Variants in TAFA4 observed in about 807,000 individuals in gnomAD.
TAFA4 encodes TAFA chemokine like family member 4, also known as chemokine-like protein TAFA-4.
Under a neutral mutation model 21.1 loss-of-function variants are expected in TAFA4, and 20 were observed. The ratio of observed to expected loss-of-function variants is 0.95; its 90% CI spans 0.67 to 1.38. The LOEUF (loss-of-function observed/expected upper bound fraction) is 1.38, where lower values mean the gene tolerates loss of function less well. TAFA4 is among the 40% of genes most tolerant of loss of function. The probability of loss-of-function intolerance (pLI) is 0.00; values close to 1 mark genes in which losing one functional copy is unlikely to be tolerated. For synonymous variants in TAFA4, 71 were observed against 67.4 expected (o/e 1.05, Z -0.26); for missense variants, 211 against 180.9 (o/e 1.17, Z -0.95).
intron 3 of TAFA4, among the ~76,000 whole-genome samples, chr3:68,820,182 C>A (rs190577054): frequency 1.3e-5 from 2 of 152,032 alleles, no homozygotes; most frequent in Non-Finnish European, 2.9e-5. Context: ...GTAAGTCAGG[C>A]GCAAAAAGAC....
chr3:68,785,425 C>A (rs1296116442), intron 3 of TAFA4, among the ~76,000 whole-genome samples: 1 of 152,228 alleles, frequency 6.6e-6, no homozygotes, highest in Non-Finnish European at 1.5e-5. Context: ...GGGGAAGGCT[C>A]AGGCATGGCG....
At chr3:68,908,428 C>T (rs1464426206) in intron 1 of TAFA4, among the ~76,000 whole-genome samples, 1 of 151,996 alleles carries the variant, frequency 6.6e-6, no homozygotes, top group Non-Finnish European at 1.5e-5. Context: ...TTATCAACAA[C>T]TCAGATGGCG....
At chr3:68,875,990 T>G (rs1483239169) in intron 3 of TAFA4, among the ~76,000 whole-genome samples, 1 of 150,770 alleles carries the variant, frequency 6.6e-6, no homozygotes, top group Non-Finnish European at 1.5e-5. Flanking sequence ...TAAAGAGAGA[T>G]AAAACAATGT....
intron 3 of TAFA4, among the ~76,000 whole-genome samples, chr3:68,770,425 T>C (rs1702931585): frequency 6.6e-6 from 1 of 152,196 alleles, no homozygotes; most frequent in Non-Finnish European, 1.5e-5. Context: ...CTGTGAGGAA[T>C]GAGACTGAGG....
chr3:68,833,392 T>G (rs1704446901), intron 3 of TAFA4, among the ~76,000 whole-genome samples: 1 of 152,186 alleles, frequency 6.6e-6, no homozygotes, highest in African/African-American at 2.4e-5. Flanking sequence ...GAATGCAGAT[T>G]CAGTGTACGT....
At chr3:68,893,361 A>T (rs1336009644) in intron 1 of TAFA4, among the ~76,000 whole-genome samples, 3 of 152,152 alleles carry the variant, frequency 2.0e-5, no homozygotes, top group Non-Finnish European at 4.4e-5. Flanking sequence ...TATAACCAGA[A>T]TGTAAAGTTC....
chr3:68,885,326 C>CA lies in TAFA4; in HGVS notation c.-122-17dup, dbSNP rs111761904. On this transcript the variant is annotated splice_polypyrimidine_tract_variant and intron_variant, in intron 1 of 5. Coordinates refer to ENST00000295569, the MANE Select transcript of TAFA4 (RefSeq NM_182522.5). ...CTCAGAAGACCTATGTTAAAAAGGCCAAAAAAAAAAAAGGAATCAATTAGC... is the reference window on the plus strand; with the variant it reads ...CTCAGAAGACCTATGTTAAAAAGGCCAAAAAAAAAAAAAGGAATCAATTAGC... 0.037 allele frequency: 16,748 copies of CA among 453,486 alleles called. 5 individuals carry two copies. Among genetic ancestry groups the CA allele is most frequent in the East Asian group, 0.041 (1,067 of 25,792 alleles). 28.1% of individuals were successfully genotyped at this position (453,486 alleles called of 1,614,324 possible).
chr3:68,841,156 T>C lies in TAFA4; in HGVS notation c.130+39574A>G, dbSNP rs922963989. On this transcript the variant is annotated intron_variant, in intron 3 of 5. Coordinates refer to ENST00000295569, the MANE Select transcript of TAFA4 (RefSeq NM_182522.5). The stretch of plus-strand genomic sequence containing the variant: ...GGCTAAAACGGTGAAACCCCGTCTC[T>C]ACTAAAAATACAAAAAATTAGCCGG... 6.3e-5 allele frequency among the ~76,000 whole-genome samples: 5 copies of C among 79,768 alleles called. 1 individual carries two copies. Among genetic ancestry groups the C allele is most frequent in the African/African-American group, 1.6e-4 (4 of 24,672 alleles). 52.3% of individuals were successfully genotyped at this position (79,768 alleles called of 152,430 possible). A position where few individuals can be genotyped will look rare whatever the true frequency, so the allele number is the denominator to read the frequency against.
intron 1 of TAFA4, among the ~76,000 whole-genome samples, chr3:68,922,107 A>G (rs754808032): frequency 1.3e-5 from 2 of 152,228 alleles, no homozygotes; most frequent in Non-Finnish European, 2.9e-5. Context: ...CTCTCAACCT[A>G]ATCAAAACAA....
chr3:68,840,827 T>G (rs1166019933), intron 3 of TAFA4, among the ~76,000 whole-genome samples: 2 of 152,182 alleles, frequency 1.3e-5, no homozygotes, highest in Non-Finnish European at 2.9e-5. Context: ...ACACTGGGCT[T>G]ACTGCGCTTG....
At chr3:68,737,725 T>C (rs933380287) in intron 5 of TAFA4, among the ~76,000 whole-genome samples, 2 of 152,230 alleles carry the variant, frequency 1.3e-5, no homozygotes, top group African/African-American at 4.8e-5. Flanking sequence ...TGGCCTGTTT[T>C]TGACCTCCAT....
intron 5 of TAFA4, 150 bp from the exon 6 acceptor site, chr3:68,733,303 A>G: frequency 1.9e-6 from 2 of 1,035,042 alleles, no homozygotes; most frequent in Non-Finnish European, 2.7e-6. Context: ...AACAGTTCAA[A>G]TTCTGCTTTG....
chr3:68,736,944 T>G (rs1370618912), intron 5 of TAFA4, among the ~76,000 whole-genome samples: 2 of 152,180 alleles, frequency 1.3e-5, no homozygotes, highest in East Asian at 3.9e-4. Flanking sequence ...TTCGAAGTGC[T>G]AAATGAAATG....
intron 3 of TAFA4, among the ~76,000 whole-genome samples, chr3:68,837,249 G>T (rs1459981901): frequency 6.6e-6 from 1 of 152,184 alleles, no homozygotes; most frequent in East Asian, 1.9e-4. Context: ...GGCATCATCA[G>T]CATCACCCAG....
At chr3:68,786,115 T>C (rs773117190) in intron 3 of TAFA4, among the ~76,000 whole-genome samples, 11 of 152,134 alleles carry the variant, frequency 7.2e-5, no homozygotes, top group Non-Finnish European at 1.6e-4. Flanking sequence ...ATAAAGCAAA[T>C]TGCTGGATGA....
At chr3:68,824,051 G>C (rs1362205895) in intron 3 of TAFA4, among the ~76,000 whole-genome samples, 1 of 152,106 alleles carries the variant, frequency 6.6e-6, no homozygotes, top group Non-Finnish European at 1.5e-5. Flanking sequence ...GAACCCCAGT[G>C]GTATGCCACA....
intron 4 of TAFA4, among the ~76,000 whole-genome samples, chr3:68,740,504 A>T (rs1204746563): frequency 6.6e-6 from 1 of 152,182 alleles, no homozygotes; most frequent in Non-Finnish European, 1.5e-5. Flanking sequence ...TTGGAAAAAT[A>T]TCAATTCAGC....
chr3:68,880,922 C>T (rs1014714667), intron 2 of TAFA4, 77 bp from the exon 3 acceptor site: 24 of 1,147,716 alleles, frequency 2.1e-5, no homozygotes, highest in African/African-American at 9.2e-5. Context: ...TCTAGGAAGG[C>T]GGGAGAAAGC....
chr3:68,839,827 G>C (rs1169629072), intron 3 of TAFA4, among the ~76,000 whole-genome samples: 1 of 152,174 alleles, frequency 6.6e-6, no homozygotes, highest in Admixed American at 6.5e-5. Flanking sequence ...AAACTGGCTA[G>C]AAATTTCCGA....
Sources: allele counts gnomAD v4.1 joint callset (sites outside exome capture counted in the v4.1 genomes callset), GRCh38; gene constraint gnomAD v4.1.1; transcripts MANE v1.5; gene names NCBI Gene and HGNC (gene_info 2026-07-23, HGNC 2026-07-21).